The following SCYL2 variants were observed in gnomAD, a reference collection of about 807,000 sequenced individuals.
The protein encoded by SCYL2 is SCY1-like protein 2.
A neutral mutation model predicts 100.4 loss-of-function variants in SCYL2; 36 were observed. That is an observed-to-expected ratio of 0.36 (90% CI 0.27 to 0.47). The LOEUF is 0.47. Ranked by LOEUF, SCYL2 falls within the 20% of genes least tolerant of loss-of-function variation. The pLI, the probability that SCYL2 is intolerant of heterozygous loss-of-function variation, is 1.00. For missense variants in SCYL2, 902 were observed against 1,083.9 expected (o/e 0.83, Z 2.36); for synonymous variants, 330 against 359.2 (o/e 0.92, Z 0.92).
At chr12:100,336,002 TAAC>T in intron 16 of SCYL2, 96 bp downstream of exon 16, 1 of 840,454 alleles carries the variant, frequency 1.2e-6, no homozygotes, top group Non-Finnish European at 2.0e-6. Context: ...TTCAGCAGCT[TAAC>T]AAGAAACATT....
intron 3 of SCYL2, among the ~76,000 whole-genome samples, chr12:100,294,162 C>T (rs1287450630): frequency 1.5e-5 from 2 of 137,022 alleles, no homozygotes; most frequent in African/African-American, 6.1e-5. Context: ...GGGGGGCTGA[C>T]TCCCCCACCT....
At chr12:100,269,149 A>G (rs552069946) in intron 1 of SCYL2, among the ~76,000 whole-genome samples, 1 of 152,236 alleles carries the variant, frequency 6.6e-6, no homozygotes, top group East Asian at 1.9e-4. Flanking sequence ...TTTTAAGTAA[A>G]TCGAACACAT....
intron 4 of SCYL2, among the ~76,000 whole-genome samples, chr12:100,303,359 A>T (rs10860575): frequency 6.6e-6 from 1 of 151,930 alleles, no homozygotes; most frequent in African/African-American, 2.4e-5. Flanking sequence ...GCCTTTTGGC[A>T]CTGTTTTTTC....
At position 100,320,549 on chromosome 12, in the gene SCYL2, AAAATAAATAAATAAATAAATAAAT is replaced by A. The variant is rs10644195; in HGVS notation, c.1395+2648_1395+2671del. 4.7e-3 allele frequency among the ~76,000 whole-genome samples: 661 copies of A among 139,808 alleles called. 5 individuals carry two copies. Among genetic ancestry groups the A allele is most frequent in the African/African-American group, 0.017 (638 of 37,366 alleles). The allele number at this position is 139,808 out of a possible 152,430, so 91.7% of individuals were successfully genotyped here. A position where few individuals can be genotyped will look rare whatever the true frequency, so the allele number is the denominator to read the frequency against. ...GGCGACAGAGTGAGACTCCGTCTCA[AAAATAAATAAATAAATAAATAAAT>A]AAATAAATAAATAAATAAATAAAGT... On this transcript the variant is annotated intron_variant, in intron 10 of 17. Coordinates refer to ENST00000360820, the MANE Select transcript of SCYL2 (RefSeq NM_017988.6).
intron 1 of SCYL2, among the ~76,000 whole-genome samples, chr12:100,281,268 A>T (rs1326160083): frequency 6.6e-6 from 1 of 151,970 alleles, no homozygotes; most frequent in Non-Finnish European, 1.5e-5. Flanking sequence ...AGCTCAAGTG[A>T]TCCACCTCCA....
chr12:100,267,441 G>A lies in SCYL2; in HGVS notation c.-380G>A, dbSNP rs1046547853. ...CACCGACCGACCTCCCTCACCGGCG[G>A]CTCTCTCGCCTGGGCTCCCGGAGCC... On this transcript the variant is annotated 5_prime_UTR_variant, in exon 1 of 18. Transcript: ENST00000360820. The A allele has an allele frequency of 3.4e-5, 6 of 178,000 alleles. No homozygotes were observed. The East Asian group carries it at 4.8e-4, about 14-fold the overall frequency. 11.0% of individuals were successfully genotyped at this position (178,000 alleles called of 1,614,324 possible).
chr12:100,302,006 C>G (rs2096328310), intron 4 of SCYL2, among the ~76,000 whole-genome samples: 1 of 152,210 alleles, frequency 6.6e-6, no homozygotes, highest in Non-Finnish European at 1.5e-5. Flanking sequence ...TCCTTCCCTT[C>G]AAGGCAGCGG....
intron 8 of SCYL2, among the ~76,000 whole-genome samples, 158 bp downstream of exon 8, chr12:100,314,772 C>G (rs1566362911): frequency 6.6e-6 from 1 of 152,094 alleles, no homozygotes; most frequent in Non-Finnish European, 1.5e-5. Context: ...GTTCAGTGGA[C>G]CTTTTTTTGC....
chr12:100,332,476 T>C (rs752325965), intron 13 of SCYL2, among the ~76,000 whole-genome samples: 1 of 152,218 alleles, frequency 6.6e-6, no homozygotes, highest in Non-Finnish European at 1.5e-5. Context: ...AACTGTTTTC[T>C]GCACAAACTA....
chr12:100,331,610 A>C (rs1952210143), intron 13 of SCYL2, among the ~76,000 whole-genome samples: 1 of 152,128 alleles, frequency 6.6e-6, no homozygotes, highest in Non-Finnish European at 1.5e-5. Context: ...CCTGTCTCTA[A>C]TTCTGTTTGA....
rs1196011147 is a variant in SCYL2 at position 100,340,896 on chromosome 12, T to C, written c.*1724T>C. The C allele has an allele frequency of 6.6e-6, 1 of 152,132 alleles. No individual in the cohort carries two copies. Among genetic ancestry groups the C allele is most frequent in the Admixed American group, 6.5e-5 (1 of 15,282 alleles). 9.4% of individuals were successfully genotyped at this position (152,132 alleles called of 1,614,324 possible). ...TTGTAATGCAATATTAATATGTCTTTTGGGAAAAAGCCTACATATGGAATA... is the reference window on the plus strand; with the variant it reads ...TTGTAATGCAATATTAATATGTCTTCTGGGAAAAAGCCTACATATGGAATA... On this transcript the variant is annotated 3_prime_UTR_variant, in exon 18 of 18. Transcript: ENST00000360820.
At chr12:100,317,480 A>G (rs1192473153) in intron 9 of SCYL2, among the ~76,000 whole-genome samples, 1 of 152,124 alleles carries the variant, frequency 6.6e-6, no homozygotes, top group African/African-American at 2.4e-5. Flanking sequence ...CTTCTTTGGG[A>G]TATCTCACTT....
chr12:100,286,137 G>GC (rs1324541667), intron 2 of SCYL2, among the ~76,000 whole-genome samples: 4 of 152,092 alleles, frequency 2.6e-5, no homozygotes, highest in African/African-American at 7.2e-5. Flanking sequence ...TGTCCCTAGT[G>GC]CCTAATTTTT....
At chr12:100,295,064 G>A (rs1481897612) in intron 3 of SCYL2, among the ~76,000 whole-genome samples, 38 of 150,374 alleles carry the variant, frequency 2.5e-4, no homozygotes, top group Admixed American at 2.4e-3. Flanking sequence ...CAGATGGGGT[G>A]GCGGGGCAGA....
intron 1 of SCYL2, among the ~76,000 whole-genome samples, chr12:100,272,491 A>G (rs2096288677): frequency 6.6e-6 from 1 of 152,178 alleles, no homozygotes. Context: ...AGTCTACCAT[A>G]CTGGCTCATC....
chr12:100,285,161 A>T (rs1404635050), intron 2 of SCYL2, among the ~76,000 whole-genome samples: 1 of 152,196 alleles, frequency 6.6e-6, no homozygotes, highest in Non-Finnish European at 1.5e-5. Flanking sequence ...GGACCAATAA[A>T]AAAAACACTG....
chr12:100,308,606 C>T (rs2077332756), intron 4 of SCYL2, among the ~76,000 whole-genome samples: 1 of 152,172 alleles, frequency 6.6e-6, no homozygotes. Context: ...ACTGCACATT[C>T]TGCACATGTA....
chr12:100,283,076 C>A lies in SCYL2; in HGVS notation c.106C>A (p.Arg36=). 1 of 1,612,836 alleles carries A rather than the reference C, an allele frequency of 6.2e-7. No homozygotes were observed. The highest frequency in any genetic ancestry group is 1.1e-5 in the South Asian group (1 of 90,794). Residue 36 remains arginine, a synonymous_variant, in exon 2 of 18, where the codon CGA becomes AGA. Coordinates refer to ENST00000360820, the MANE Select transcript of SCYL2 (RefSeq NM_017988.6). ...TGTCACTAGAGAATTTGATGTTGGT[C>A]GACACATTGCCAGTGGTGGCAATGG... ...NPVTREFDVG[R]HIASGGNGLA... is the part of the protein sequence containing the mutation.
At chr12:100,323,668 T>G (rs1208707781) in intron 11 of SCYL2, 30 bp downstream of exon 11, 1 of 1,182,994 alleles carries the variant, frequency 8.5e-7, no homozygotes, top group Admixed American at 2.1e-5. Flanking sequence ...TTTTTGTTTT[T>G]CTTTTCACTT....
Sources: allele counts gnomAD v4.1 joint callset (sites outside exome capture counted in the v4.1 genomes callset), GRCh38; gene constraint gnomAD v4.1.1; transcripts MANE v1.5; gene names NCBI Gene and HGNC (gene_info 2026-07-23, HGNC 2026-07-21).